TSHZ2: variants seen among roughly 807,000 people sequenced by gnomAD.
The protein encoded by TSHZ2 is teashirt homolog 2.
A neutral mutation model predicts 74.4 loss-of-function variants in TSHZ2; 21 were observed. That is an observed-to-expected ratio of 0.28 (90% CI 0.20 to 0.41). The LOEUF (loss-of-function observed/expected upper bound fraction) is 0.41. TSHZ2 is among the 10% of genes least tolerant of loss of function. The pLI is 1.00. For missense variants in TSHZ2, 1,244 were observed against 1,293.5 expected (o/e 0.96, Z 0.59); for synonymous variants, 540 against 515.3 (o/e 1.05, Z -0.65).
chr20:53,190,841 C>G (rs997521517), intron 1 of TSHZ2, among the ~76,000 whole-genome samples: 1 of 152,118 alleles, frequency 6.6e-6, no homozygotes, highest in Admixed American at 6.5e-5. Context: ...ATCACCCTAC[C>G]GAGGGCAGAA....
Position 52,973,252 on chromosome 20 carries a change from C to T in TSHZ2, c.-42C>T, listed in dbSNP as rs767690295. The T allele has an allele frequency of 5.2e-6, 8 of 1,548,170 alleles. No homozygotes were observed. In the South Asian group the frequency reaches 7.2e-5, roughly 14 times the overall value. ...AGACAGCGGGCCCCAGCGCGCGGCT[C>T]GGGGCTGGGGCGCCAGAAGTGGGAC... On this transcript the variant is annotated 5_prime_UTR_variant, in exon 1 of 3. Coordinates refer to ENST00000371497, the MANE Select transcript of TSHZ2 (RefSeq NM_173485.6).
chr20:53,232,174 G>GCCA (rs1470053161), intron 1 of TSHZ2, among the ~76,000 whole-genome samples: 1 of 152,144 alleles, frequency 6.6e-6, no homozygotes, highest in African/African-American at 2.4e-5. Context: ...ACAGGCATGA[G>GCCA]CCACTGCACC....
intron 2 of TSHZ2, among the ~76,000 whole-genome samples, chr20:53,370,434 T>C (rs2078617446): frequency 6.6e-6 from 1 of 152,150 alleles, no homozygotes; most frequent in Non-Finnish European, 1.5e-5. Context: ...GTTAAATCTC[T>C]CCGTTCATAA....
intron 1 of TSHZ2, among the ~76,000 whole-genome samples, chr20:52,995,429 G>A (rs56035508): frequency 6.6e-6 from 1 of 152,046 alleles, no homozygotes; most frequent in African/African-American, 2.4e-5. Flanking sequence ...ACTTTCTCTG[G>A]CTCTGTGCAT....
intron 2 of TSHZ2, among the ~76,000 whole-genome samples, chr20:53,400,748 G>C (rs527558775): frequency 1.3e-5 from 2 of 152,252 alleles, no homozygotes; most frequent in African/African-American, 4.8e-5. Flanking sequence ...TGCATCTAAT[G>C]AGTTCATCTC....
At chr20:53,146,238 T>G (rs1987536822) in intron 1 of TSHZ2, among the ~76,000 whole-genome samples, 1 of 152,154 alleles carries the variant, frequency 6.6e-6, no homozygotes, top group South Asian at 2.1e-4. Context: ...AATGCAGTTG[T>G]GGGGCAGGGG....
Position 53,023,990 on chromosome 20 carries a change from C to G in TSHZ2, c.40+50657C>G, listed in dbSNP as rs144664219. On this transcript the variant is annotated intron_variant, in intron 1 of 2. Coordinates refer to ENST00000371497, the MANE Select transcript of TSHZ2 (RefSeq NM_173485.6). Reference sequence around the variant, plus strand: ...CACTGTTTTTCTGGGATTTATTACTCAACTCTAAAAACCAGCTCCAGGCTA... The same window carrying G: ...CACTGTTTTTCTGGGATTTATTACTGAACTCTAAAAACCAGCTCCAGGCTA... 5.3e-3 allele frequency among the ~76,000 whole-genome samples: 810 copies of G among 152,130 alleles called. 3 individuals carry two copies. The highest frequency in any genetic ancestry group is 8.6e-3 in the Non-Finnish European group (584 of 68,000).
chr20:53,220,562 T>A (rs894414509), intron 1 of TSHZ2, among the ~76,000 whole-genome samples: 1 of 152,234 alleles, frequency 6.6e-6, no homozygotes, highest in Non-Finnish European at 1.5e-5. Context: ...TGCCCCTTTA[T>A]TGATGCATTG....
intron 2 of TSHZ2, among the ~76,000 whole-genome samples, chr20:53,297,248 C>CTTTTTTTT (rs35627909): frequency 8.3e-6 from 1 of 121,144 alleles, no homozygotes; most frequent in Non-Finnish European, 1.7e-5. Flanking sequence ...ATCTCAGAAT[C>CTTTTTTTT]TTTTTTTTTT....
intron 1 of TSHZ2, among the ~76,000 whole-genome samples, chr20:53,161,246 G>A (rs1466617916): frequency 1.3e-5 from 2 of 151,764 alleles, no homozygotes; most frequent in Non-Finnish European, 2.9e-5. Context: ...TCTGCGGAAT[G>A]AGTGTTCTAG....
chr20:53,282,320 A>G (rs1991077400), intron 2 of TSHZ2, among the ~76,000 whole-genome samples: 1 of 152,248 alleles, frequency 6.6e-6, no homozygotes, highest in Non-Finnish European at 1.5e-5. Context: ...GCAAATATAC[A>G]GGAATCACGT....
chr20:53,184,135 T>C (rs577206140), intron 1 of TSHZ2, among the ~76,000 whole-genome samples: 72 of 152,374 alleles, frequency 4.7e-4, no homozygotes, highest in African/African-American at 1.7e-3. Flanking sequence ...TGTGGGACTG[T>C]GGCTTTGCAA....
chr20:53,199,341 G>T (rs971412799), intron 1 of TSHZ2, among the ~76,000 whole-genome samples: 8 of 152,104 alleles, frequency 5.3e-5, no homozygotes, highest in African/African-American at 1.7e-4. Context: ...AGGCGTGGTG[G>T]CACACGCCTG....
At position 53,490,846 on chromosome 20, in the gene TSHZ2, A is replaced by G. The variant is rs1272408178; in HGVS notation, c.*3711A>G. On this transcript the variant is annotated 3_prime_UTR_variant, in exon 3 of 3. Transcript: ENST00000371497. Reference sequence around the variant, plus strand: ...TTCATATATATGTGTATACATATGAATTTCACTGTTATTTTCCAGGGTCTA... The same window carrying G: ...TTCATATATATGTGTATACATATGAGTTTCACTGTTATTTTCCAGGGTCTA... 6.6e-6 allele frequency: 1 copy of G among 152,208 alleles called. No individual in the cohort carries two copies. Among genetic ancestry groups the G allele is most frequent in the African/African-American group, 2.4e-5 (1 of 41,450 alleles). 9.4% of individuals were successfully genotyped at this position (152,208 alleles called of 1,614,324 possible).
chr20:53,459,191 TAAG>T (rs1568927571), intron 2 of TSHZ2, among the ~76,000 whole-genome samples: 21 of 152,318 alleles, frequency 1.4e-4, no homozygotes, highest in African/African-American at 5.1e-4. Flanking sequence ...TGTGGGAGTC[TAAG>T]TCTCTTTGTA....
intron 2 of TSHZ2, among the ~76,000 whole-genome samples, chr20:53,296,034 GCA>G (rs1491519088): frequency 2.0e-3 from 230 of 114,634 alleles, no homozygotes; most frequent in African/African-American, 7.7e-3. Flanking sequence ...TGTAATGACT[GCA>G]AAAAAAAAAA....
chr20:53,483,580 G>A (rs1986216670), intron 2 of TSHZ2, among the ~76,000 whole-genome samples: 1 of 152,094 alleles, frequency 6.6e-6, no homozygotes, highest in East Asian at 1.9e-4. Flanking sequence ...AAAAGGATCT[G>A]TCATGAAGGT....
intron 1 of TSHZ2, among the ~76,000 whole-genome samples, chr20:53,167,969 G>A (rs1283638991): frequency 6.6e-5 from 10 of 152,216 alleles, no homozygotes; most frequent in Non-Finnish European, 1.5e-4. Context: ...CTGACAAACT[G>A]ACTGCCACAA....
chr20:53,014,848 C>T (rs1057307688), intron 1 of TSHZ2, among the ~76,000 whole-genome samples: 6 of 152,130 alleles, frequency 3.9e-5, no homozygotes, highest in South Asian at 2.1e-4. Context: ...TACAACGCTT[C>T]GTACAGAATG....
Sources: gnomAD v4.1 joint callset for allele counts (sites outside exome capture counted in the v4.1 genomes callset) on GRCh38, gnomAD v4.1.1 for gene constraint, MANE v1.5 for transcripts, NCBI Gene and HGNC (gene_info 2026-07-23, HGNC 2026-07-21) for gene names.